Variants in RNF217 observed in about 807,000 individuals in gnomAD.
The protein encoded by RNF217 is ring finger protein 217.
In RNF217, 31 loss-of-function variants were observed where a neutral mutation model predicts 57.8. That is an observed-to-expected ratio of 0.54 (90% CI 0.40 to 0.72). The LOEUF is 0.72. Among genes scored for constraint, RNF217 ranks in the 30% least tolerant of loss-of-function variants. RNF217 has a pLI of 0.00. For missense variants in RNF217, 696 were observed against 708.3 expected (o/e 0.98, Z 0.20); for synonymous variants, 313 against 294.0 (o/e 1.06, Z -0.66).
At chr6:124,994,506 T>A (rs1243905351) in intron 1 of RNF217, among the ~76,000 whole-genome samples, 4 of 152,174 alleles carry the variant, frequency 2.6e-5, no homozygotes, top group Non-Finnish European at 5.9e-5. Context: ...AACTTGTAAG[T>A]GAAATAACTA....
intron 1 of RNF217, among the ~76,000 whole-genome samples, chr6:125,021,285 G>C (rs1297993730): frequency 1.1e-5 from 1 of 90,710 alleles, no homozygotes; most frequent in African/African-American, 4.5e-5. Flanking sequence ...TTTTTTTTTT[G>C]AGACGGAGTC....
At position 124,962,511 on chromosome 6, in the gene RNF217, G is replaced by T. The variant is rs1582638173; in HGVS notation, c.-34G>T. 2.7e-6 allele frequency: 3 copies of T among 1,104,790 alleles called. No individual in the cohort carries two copies. The highest frequency in any genetic ancestry group is 3.4e-6 in the Non-Finnish European group (3 of 894,434). 68.4% of individuals were successfully genotyped at this position (1,104,790 alleles called of 1,614,324 possible). A position where few individuals can be genotyped will look rare whatever the true frequency, so the allele number is the denominator to read the frequency against. ...GCGCCGGGTGGGGGTCCCGGCGGCT[G>T]GATGGGCAGCGGCGGCGCGGGCCGC... On this transcript the variant is annotated 5_prime_UTR_variant, in exon 1 of 6. Transcript: ENST00000521654. This position sits in a 1 kb window ranked among gnomAD's most constrained non-coding sequence, Gnocchi z 4.6.
intron 1 of RNF217, among the ~76,000 whole-genome samples, chr6:125,036,683 A>C (rs1786635043): frequency 6.6e-6 from 1 of 151,854 alleles, no homozygotes; most frequent in Non-Finnish European, 1.5e-5. Context: ...CAAGAAAAAA[A>C]ACATCAAAAA....
chr6:124,983,670 A>G (rs1304636372), intron 1 of RNF217: 2 of 204,854 alleles, frequency 9.8e-6, no homozygotes, highest in African/African-American at 2.4e-5. Flanking sequence ...CTTTGTGGCT[A>G]TATTTCAAAT....
intron 3 of RNF217, among the ~76,000 whole-genome samples, chr6:125,064,755 G>T (rs1048147048): frequency 6.6e-6 from 1 of 151,824 alleles, no homozygotes; most frequent in Admixed American, 6.6e-5. Flanking sequence ...AAGTACGTGT[G>T]TATATATTAT....
chr6:125,048,004 T>C, intron 2 of RNF217: 1 of 313,730 alleles, frequency 3.2e-6, no homozygotes, highest in Non-Finnish European at 6.2e-6. Context: ...TGTACAAAGT[T>C]CTAGCAATGA....
At chr6:125,059,711 A>G (rs1787659290) in intron 3 of RNF217, among the ~76,000 whole-genome samples, 1 of 152,200 alleles carries the variant, frequency 6.6e-6, no homozygotes, top group Admixed American at 6.5e-5. Flanking sequence ...AAAGGAAGAA[A>G]AAGAAGCCGA....
chr6:124,974,758 A>G (rs1783897559), intron 1 of RNF217, among the ~76,000 whole-genome samples: 1 of 152,222 alleles, frequency 6.6e-6, no homozygotes, highest in South Asian at 2.1e-4. Context: ...AGAATTAACC[A>G]TCCTGGTCAA....
At chr6:124,972,737 C>G (rs1158203127) in intron 1 of RNF217, among the ~76,000 whole-genome samples, 1 of 152,154 alleles carries the variant, frequency 6.6e-6, no homozygotes, top group East Asian at 1.9e-4. Context: ...CACACCCATT[C>G]TTCTAGTTCA....
chr6:125,004,619 G>C (rs1040878719), intron 1 of RNF217, among the ~76,000 whole-genome samples: 1 of 152,310 alleles, frequency 6.6e-6, no homozygotes, highest in East Asian at 1.9e-4. Context: ...GAAGAACAAG[G>C]CTTCTAGTGA....
chr6:124,975,037 T>C (rs1783908699), intron 1 of RNF217, among the ~76,000 whole-genome samples: 1 of 152,358 alleles, frequency 6.6e-6, no homozygotes, highest in Admixed American at 6.5e-5. Flanking sequence ...CTAATCCCTT[T>C]TTAAATCTTT....
chr6:124,992,747 GA>G (rs1582681280), intron 1 of RNF217, among the ~76,000 whole-genome samples: 1 of 151,902 alleles, frequency 6.6e-6, no homozygotes, highest in South Asian at 2.1e-4. Context: ...TTGTTGTAAT[GA>G]TTTTTTTTGT....
At position 125,024,632 on chromosome 6, in the gene RNF217, A is replaced by G. The variant is rs1785994659; in HGVS notation, c.883-20579A>G. On this transcript the variant is annotated intron_variant, in intron 1 of 5. Coordinates refer to ENST00000521654, the MANE Select transcript of RNF217 (RefSeq NM_001286398.3). The stretch of plus-strand genomic sequence containing the variant: ...ACTCGGGAGGCTGAGGCACGAGAGA[A>G]TCTCTTGAGCCCGGGAGGCAGAGGT... 2.0e-5 allele frequency among the ~76,000 whole-genome samples: 3 copies of G among 151,722 alleles called. No homozygotes were observed. The South Asian group carries it at 6.3e-4, about 32-fold the overall frequency.
chr6:125,061,242 G>A lies in RNF217; in HGVS notation c.1281+3136G>A, dbSNP rs554511893. ...AAGTTTTTAGTATTTAGCACATATTGGCAATTTGCTTTCTAAAAGGAATGA... is the reference window on the plus strand; with the variant it reads ...AAGTTTTTAGTATTTAGCACATATTAGCAATTTGCTTTCTAAAAGGAATGA... On this transcript the variant is annotated intron_variant, in intron 3 of 5. Coordinates refer to ENST00000521654, the MANE Select transcript of RNF217 (RefSeq NM_001286398.3). Among the ~76,000 whole-genome samples, 4 of 151,952 alleles carry A rather than the reference G, an allele frequency of 2.6e-5. No homozygotes were observed. In the South Asian group the frequency reaches 8.3e-4, roughly 32 times the overall value.
intron 4 of RNF217, among the ~76,000 whole-genome samples, chr6:125,077,962 T>A (rs548046201): frequency 2.0e-4 from 31 of 152,320 alleles, no homozygotes; most frequent in Non-Finnish European, 3.5e-4. Flanking sequence ...AGATAGAACA[T>A]GTATACGCAA....
At position 125,049,915 on chromosome 6, in the gene RNF217, G is replaced by A. The variant is rs566493573; in HGVS notation, c.1116+4471G>A. Among the ~76,000 whole-genome samples, 259 of 151,970 alleles carry A rather than the reference G, an allele frequency of 1.7e-3. 1 individual carries two copies. Among genetic ancestry groups the A allele is most frequent in the African/African-American group, 6.0e-3 (247 of 41,506 alleles). ...GAAATATGTTGATAGTGTTAAGTTT[G>A]AAGACCCTTTAGGGCATCAAAGAGA... is the stretch of plus-strand genomic sequence containing the variant. On this transcript the variant is annotated intron_variant, in intron 2 of 5. Coordinates refer to ENST00000521654, the MANE Select transcript of RNF217 (RefSeq NM_001286398.3).
chr6:125,048,282 T>C, intron 2 of RNF217: 3 of 1,325,238 alleles, frequency 2.3e-6, no homozygotes, highest in Non-Finnish European at 3.0e-6. Flanking sequence ...TATTTTGCAG[T>C]ATTTTTAAAA....
chr6:125,038,819 T>C (rs1289642889), intron 1 of RNF217, among the ~76,000 whole-genome samples: 1 of 152,124 alleles, frequency 6.6e-6, no homozygotes, highest in African/African-American at 2.4e-5. Flanking sequence ...GGTGTATTAA[T>C]GATCTTTTTT....
At chr6:125,070,861 A>G (rs1281077354) in intron 3 of RNF217, among the ~76,000 whole-genome samples, 1 of 152,248 alleles carries the variant, frequency 6.6e-6, no homozygotes, top group African/African-American at 2.4e-5. Context: ...GGGGGCAGTA[A>G]TACATAACAG....
Sources: allele counts gnomAD v4.1 joint callset (sites outside exome capture counted in the v4.1 genomes callset), GRCh38; gene constraint gnomAD v4.1.1; non-coding constraint Gnocchi (gnomAD v3.1); transcripts MANE v1.5; gene names NCBI Gene and HGNC (gene_info 2026-07-23, HGNC 2026-07-21).